Variants in CYP20A1 observed in about 807,000 individuals in gnomAD.
CYP20A1 encodes the protein cytochrome P450 20A1.
A neutral mutation model predicts 61.4 loss-of-function variants in CYP20A1; 61 were observed. The observed-to-expected ratio is 0.99, with a 90% CI of 0.81 to 1.23. The LOEUF (loss-of-function observed/expected upper bound fraction) is 1.23, where lower values mean the gene tolerates loss of function less well. Ranked by LOEUF, CYP20A1 falls within the 50% of genes most tolerant of loss-of-function variation. The pLI, the probability that CYP20A1 is intolerant of heterozygous loss-of-function variation, is 0.00. For missense variants in CYP20A1, 530 were observed against 542.4 expected (o/e 0.98, Z 0.23); for synonymous variants, 193 against 188.2 (o/e 1.03, Z -0.21).
At chr2:203,293,511 T>TC (rs2068635756) in intron 11 of CYP20A1, among the ~76,000 whole-genome samples, 1 of 150,224 alleles carries the variant, frequency 6.7e-6, no homozygotes, top group Admixed American at 6.6e-5. Context: ...CCGGCCTCTT[T>TC]TTTTTTTTTT....
chr2:203,240,297 CTA>C (rs567761974), intron 1 of CYP20A1, among the ~76,000 whole-genome samples: 73 of 152,300 alleles, frequency 4.8e-4, no homozygotes, highest in African/African-American at 1.7e-3. Context: ...TTCTGAGAAA[CTA>C]AACAATTTTA....
At chr2:203,289,709 A>G in intron 9 of CYP20A1, 56 bp from the exon 10 acceptor site, 1 of 906,960 alleles carries the variant, frequency 1.1e-6, no homozygotes. Flanking sequence ...AAATGTATGT[A>G]CATTTCTAAC....
In CYP20A1 at chr2:203,285,606, A is replaced by G. The variant is rs1378825346; in HGVS notation, c.851-6A>G. 1.3e-6 allele frequency: 2 copies of G among 1,569,964 alleles called. No homozygotes were observed. The highest frequency in any genetic ancestry group is 1.7e-6 in the Non-Finnish European group (2 of 1,167,246). On this transcript the variant is annotated splice_polypyrimidine_tract_variant and splice_region_variant and intron_variant, in intron 8 of 12. Coordinates refer to ENST00000356079, the MANE Select transcript of CYP20A1 (RefSeq NM_177538.3). ...TTCATTGTTATTCATATAATGTTTG[A>G]CCTAGTGTGTACCTGGGCAATCTGT... is the stretch of plus-strand genomic sequence containing the variant.
chr2:203,272,781 A>T, intron 6 of CYP20A1, 33 bp downstream of exon 6: 2 of 1,324,594 alleles, frequency 1.5e-6, no homozygotes, highest in Non-Finnish European at 2.1e-6. Flanking sequence ...TAGTGAGGAC[A>T]AAAAATAAAT....
intron 8 of CYP20A1, among the ~76,000 whole-genome samples, chr2:203,284,264 T>G (rs7608286): frequency 0.89 from 135,996 of 152,158 alleles, 61,624 homozygotes; most frequent in Non-Finnish European, 0.96. Flanking sequence ...CATTGGTAAG[T>G]AAAGTACAAG....
intron 4 of CYP20A1, among the ~76,000 whole-genome samples, chr2:203,263,417 G>C (rs2067213491): frequency 6.6e-6 from 1 of 151,726 alleles, no homozygotes; most frequent in African/African-American, 2.4e-5. Flanking sequence ...AGCCTCCCGA[G>C]TAGCTGGGAT....
At chr2:203,249,584 C>A (rs2066584878) in intron 3 of CYP20A1, among the ~76,000 whole-genome samples, 1 of 151,986 alleles carries the variant, frequency 6.6e-6, no homozygotes, top group African/African-American at 2.4e-5. Context: ...GTGGCTCACG[C>A]CTGTAATCCC....
rs751357703 is a variant in CYP20A1, at chr2:203,246,903, A to G, written c.271A>G (p.Ile91Val). 5 of 1,613,062 alleles carry G rather than the reference A, an allele frequency of 3.1e-6. No homozygotes were observed. The highest frequency in any genetic ancestry group is 4.2e-6 in the Non-Finnish European group (5 of 1,179,812). Residue 91 changes from isoleucine (I) to valine (V), a missense_variant, in exon 3 of 13, where the codon ATC (isoleucine) becomes GTC (valine). Transcript: ENST00000356079. ...LGTVDVLKQH[I>V]NPNKTSDPFE... Reference sequence around the variant, plus strand: ...CACTGTTGATGTACTGAAGCAGCATATCAATCCCAATAAGACATGTAAGTT... The same window carrying G: ...CACTGTTGATGTACTGAAGCAGCATGTCAATCCCAATAAGACATGTAAGTT...
chr2:203,278,970 G>T (rs1250832328), intron 7 of CYP20A1, among the ~76,000 whole-genome samples: 1 of 151,924 alleles, frequency 6.6e-6, no homozygotes, highest in Non-Finnish European at 1.5e-5. Context: ...GTTTTTTGTT[G>T]TTGTTGTTGT....
At chr2:203,295,130 T>C (rs1222771599) in intron 11 of CYP20A1, among the ~76,000 whole-genome samples, 3 of 151,302 alleles carry the variant, frequency 2.0e-5, no homozygotes, top group African/African-American at 7.3e-5. Context: ...TTTTTTTTTT[T>C]GTATTTTTAG....
intron 11 of CYP20A1, among the ~76,000 whole-genome samples, chr2:203,294,087 T>C (rs2068665667): frequency 6.6e-6 from 1 of 152,036 alleles, no homozygotes; most frequent in Admixed American, 6.6e-5. Context: ...TGGGCTCAAG[T>C]AATGCTCCTA....
chr2:203,290,755 G>A (rs1192060603), intron 10 of CYP20A1, among the ~76,000 whole-genome samples: 1 of 152,094 alleles, frequency 6.6e-6, no homozygotes, highest in East Asian at 1.9e-4. Flanking sequence ...TGATTCTCCT[G>A]CCTCAGCCTC....
intron 4 of CYP20A1, among the ~76,000 whole-genome samples, chr2:203,258,003 G>GTGCAGTGGCACAATTATAGCTCAAT: frequency 1.3e-5 from 2 of 151,450 alleles, no homozygotes; most frequent in Non-Finnish European, 3.0e-5. Context: ...CTGGGCTGAA[G>GTGCAGTGGCACAATTATAGCTCAAT]GGATCCTCCT....
chr2:203,293,176 C>A (rs1372512021), intron 11 of CYP20A1, among the ~76,000 whole-genome samples: 16 of 149,238 alleles, frequency 1.1e-4, no homozygotes, highest in Admixed American at 1.0e-3. Flanking sequence ...CACAAGACTC[C>A]GTCTCAAAAA....
intron 11 of CYP20A1, 80 bp downstream of exon 11, chr2:203,292,406 T>TTTTCTACTCAAC: frequency 2.0e-6 from 2 of 979,262 alleles, no homozygotes; most frequent in Non-Finnish European, 3.3e-6. Context: ...AACTGTTGAG[T>TTTTCTACTCAAC]AGAAAACTCA....
chr2:203,251,815 A>ATATATATACATATG (rs377306363), intron 3 of CYP20A1, 152 bp from the exon 4 acceptor site: 1 of 89,476 alleles, frequency 1.1e-5, no homozygotes, highest in South Asian at 5.5e-4. Context: ...ATATATATAT[A>ATATATATACATATG]TAAAAAATAA....
intron 4 of CYP20A1, among the ~76,000 whole-genome samples, chr2:203,262,637 C>T (rs921209207): frequency 7.2e-5 from 11 of 151,798 alleles, no homozygotes; most frequent in Admixed American, 6.6e-5. Context: ...TAAGTCTATA[C>T]ATTTCCCTCT....
intron 1 of CYP20A1, among the ~76,000 whole-genome samples, chr2:203,240,623 T>C (rs1206429324): frequency 6.6e-6 from 1 of 152,122 alleles, no homozygotes; most frequent in Non-Finnish European, 1.5e-5. Flanking sequence ...AAGGTGAAGG[T>C]GCAAGCCATT....
intron 4 of CYP20A1, among the ~76,000 whole-genome samples, chr2:203,253,172 T>G (rs1414971201): frequency 6.6e-6 from 1 of 152,192 alleles, no homozygotes; most frequent in East Asian, 1.9e-4. Flanking sequence ...CAGGCTCCCC[T>G]TCTGTCCCCA....
Sources: gnomAD v4.1 joint callset for allele counts (sites outside exome capture counted in the v4.1 genomes callset) on GRCh38, gnomAD v4.1.1 for gene constraint, MANE v1.5 for transcripts, NCBI Gene and HGNC (gene_info 2026-07-23, HGNC 2026-07-21) for gene names.